The following RNH1 variants were observed in gnomAD, a reference collection of about 807,000 sequenced individuals.
RNH1 encodes ribonuclease inhibitor.
In RNH1, 38 loss-of-function variants were observed where a neutral mutation model predicts 46.1. The ratio of observed to expected loss-of-function variants is 0.82; its 90% CI spans 0.64 to 1.08. RNH1 has a LOEUF of 1.08. Among genes scored for constraint, RNH1 ranks in the 50% least tolerant of loss-of-function variants. The probability of loss-of-function intolerance (pLI) is 0.00; values close to 1 mark genes in which losing one functional copy is unlikely to be tolerated. For synonymous variants in RNH1, 319 were observed against 279.1 expected, an observed-to-expected ratio of 1.14 and a Z score of -1.43; for missense variants, 577 against 590.7, an observed-to-expected ratio of 0.98 and a Z score of 0.24.
At position 501,842 on chromosome 11, in the gene RNH1, C is replaced by T. The variant is rs553677851; in HGVS notation, c.101+220G>A. ...GCCAGTGGCCGCCCACCTCGGCCCG[C>T]CCACCTCAGCCCATGCTGCATGAGC... On this transcript the variant is annotated intron_variant, in intron 3 of 10. Transcript: ENST00000354420. This position sits in a 1 kb window ranked among gnomAD's most constrained non-coding sequence, Gnocchi z 4.1. The T allele has an allele frequency of 5.0e-5, 28 of 565,326 alleles. No individual in the cohort carries two copies. In the South Asian group the frequency reaches 5.4e-4, roughly 11 times the overall value. The allele number at this position is 565,326 out of a possible 1,614,324, so 35.0% of individuals were successfully genotyped here.
chr11:500,463 C>G (rs773861759), intron 4 of RNH1, 21 bp downstream of exon 4: 1 of 1,595,560 alleles, frequency 6.3e-7, no homozygotes, highest in Admixed American at 1.7e-5. Flanking sequence ...AGGCCAGAGG[C>G]AGTGCCAGGC....
At chr11:497,900 T>A (rs1849323517) in intron 9 of RNH1, 71 bp downstream of exon 9, 1 of 1,528,952 alleles carries the variant, frequency 6.5e-7, no homozygotes, top group Non-Finnish European at 8.9e-7. Flanking sequence ...ACTCGTGCAC[T>A]CTCGCCCTTG....
rs1185306769 is a variant in RNH1 at position 504,951 on chromosome 11, A to T, written c.-215T>A. 6.6e-6 allele frequency: 1 copy of T among 152,154 alleles called. No homozygotes were observed. The highest frequency in any genetic ancestry group is 1.9e-4 in the East Asian group (1 of 5,194). The allele number at this position is 152,154 out of a possible 1,614,324, so 9.4% of individuals were successfully genotyped here. A position where few individuals can be genotyped will look rare whatever the true frequency, so the allele number is the denominator to read the frequency against. Reference sequence around the variant, plus strand: ...GGAGCGCCGCTCGGCCGTCCTCAAAACTTTGGACACACCCTCCGTTTCTGT... The same window carrying T: ...GGAGCGCCGCTCGGCCGTCCTCAAATCTTTGGACACACCCTCCGTTTCTGT... On this transcript the variant is annotated 5_prime_UTR_variant, in exon 2 of 11. Transcript: ENST00000354420.
At chr11:495,117 C>T in intron 9 of RNH1, 64 bp from the exon 10 acceptor site, 1 of 1,523,470 alleles carries the variant, frequency 6.6e-7, no homozygotes. Context: ...ACCGGCAGAG[C>T]AGGCCTGGGC....
Position 501,189 on chromosome 11 carries a change from G to A in RNH1, c.102-535C>T, listed in dbSNP as rs942854632. The A allele has an allele frequency of 4.4e-5, 10 of 229,428 alleles. No homozygotes were observed. The highest frequency in any genetic ancestry group is 1.0e-4 in the Admixed American group (2 of 19,156). 14.2% of individuals were successfully genotyped at this position (229,428 alleles called of 1,614,324 possible). ...CAGTCACAGGAGGAAAGGCAGTGGC[G>A]TCACAGTGGAGAGGGTGGCAGACGG... On this transcript the variant is annotated intron_variant, in intron 3 of 10. Coordinates refer to ENST00000354420, the MANE Select transcript of RNH1 (RefSeq NM_203387.3). This position sits in a 1 kb window ranked among gnomAD's most constrained non-coding sequence, Gnocchi z 4.1.
rs571263026 is a variant in RNH1 at position 498,420 on chromosome 11, T to G, written c.956+37A>C. The G allele has an allele frequency of 1.9e-5, 31 of 1,605,572 alleles. No individual in the cohort carries two copies. In the East Asian group the frequency reaches 5.1e-4, roughly 27 times the overall value. ...TCTCCTCGGTCACCCTGGCCCTCTC[T>G]TGGGCGACAGGGCCCTGCCCCGACA... is the stretch of plus-strand genomic sequence containing the variant. On this transcript the variant is annotated intron_variant, in intron 8 of 10. Transcript: ENST00000354420.
rs1849708487 is a variant in RNH1 at position 501,075 on chromosome 11, C to T, written c.102-421G>A. On this transcript the variant is annotated intron_variant, in intron 3 of 10. Coordinates refer to ENST00000354420, the MANE Select transcript of RNH1 (RefSeq NM_203387.3). This position sits in a 1 kb window ranked among gnomAD's most constrained non-coding sequence, Gnocchi z 4.1. ...CCCAGGAGGTTGAGGCCGCATAAGCCATGAGGGAGCCACTCCAGCCTGGGT... is the reference window on the plus strand; with the variant it reads ...CCCAGGAGGTTGAGGCCGCATAAGCTATGAGGGAGCCACTCCAGCCTGGGT... 1 of 346,090 alleles carries T rather than the reference C, an allele frequency of 2.9e-6. No individual in the cohort carries two copies. The highest frequency in any genetic ancestry group is 5.7e-6 in the Non-Finnish European group (1 of 176,662). The allele number at this position is 346,090 out of a possible 1,614,324, so 21.4% of individuals were successfully genotyped here.
chr11:499,454 C>T, intron 5 of RNH1: 1 of 684,484 alleles, frequency 1.5e-6, no homozygotes, highest in Non-Finnish European at 2.7e-6. Context: ...CTCTGGAGGG[C>T]AGGGCCACCT....
rs566777898 is a variant in RNH1, at chr11:495,605, C to A, written c.1128-552G>T. On this transcript the variant is annotated intron_variant, in intron 9 of 10. Coordinates refer to ENST00000354420, the MANE Select transcript of RNH1 (RefSeq NM_203387.3). ...GGCCAAGGAGTTGCACTGGACCTCTCCAAGGTGGGGGCCAGGGAAGCTGCA... is the reference window on the plus strand; with the variant it reads ...GGCCAAGGAGTTGCACTGGACCTCTACAAGGTGGGGGCCAGGGAAGCTGCA... Among the ~76,000 whole-genome samples, 174 of 152,310 alleles carry A rather than the reference C, an allele frequency of 1.1e-3. 1 individual carries two copies. The highest frequency in any genetic ancestry group is 3.8e-3 in the African/African-American group (158 of 41,568).
intron 1 of RNH1, chr11:505,849 C>A (rs1411425215): frequency 9.7e-6 from 1 of 103,130 alleles, no homozygotes; most frequent in Non-Finnish European, 1.9e-5. Flanking sequence ...GGATTACAGG[C>A]TGCAGCGCAC....
At chr11:506,691 G>C in intron 1 of RNH1, 1 of 152,374 alleles carries the variant, frequency 6.6e-6, no homozygotes, top group South Asian at 2.1e-4. Flanking sequence ...TTCTTTGGGG[G>C]AATAAGGTCA....
intron 5 of RNH1, 119 bp from the exon 6 acceptor site, chr11:499,304 G>A (rs1367978485): frequency 1.2e-4 from 142 of 1,137,172 alleles, no homozygotes; most frequent in Non-Finnish European, 1.9e-5. Flanking sequence ...TGGGCATCAG[G>A]TGTCAGTGCT....
rs7944548 is a variant in RNH1 at position 502,217 on chromosome 11, C to T, written c.-55G>A. 0.3 allele frequency: 421,947 copies of T among 1,386,508 alleles called. 65,076 individuals are homozygous for T. Among genetic ancestry groups the T allele is most frequent in the African/African-American group, 0.38 (26,898 of 70,276 alleles). The allele number at this position is 1,386,508 out of a possible 1,614,324, so 85.9% of individuals were successfully genotyped here. ...GGCAGAGGGAAGAGGACGTCTTGGCCGAATCCCCTCACAGTTTCACAGGCC... is the reference window on the plus strand; with the variant it reads ...GGCAGAGGGAAGAGGACGTCTTGGCTGAATCCCCTCACAGTTTCACAGGCC... On this transcript the variant is annotated 5_prime_UTR_variant, in exon 3 of 11. Transcript: ENST00000354420. This position sits in a 1 kb window ranked among gnomAD's most constrained non-coding sequence, Gnocchi z 5.8.
intron 9 of RNH1, 29 bp from the exon 10 acceptor site, chr11:495,082 G>A (rs746440375): frequency 7.5e-6 from 12 of 1,590,456 alleles, no homozygotes; most frequent in African/African-American, 6.7e-5. Context: ...GGGTCAGGGT[G>A]CCGGGCGTGC....
In RNH1 at chr11:498,570, C is replaced by T. The variant is rs1849388137; in HGVS notation, c.843G>A (p.Arg281=). 4 of 1,613,026 alleles carry T rather than the reference C, an allele frequency of 2.5e-6. No individual in the cohort carries two copies. Among genetic ancestry groups the T allele is most frequent in the Non-Finnish European group, 3.4e-6 (4 of 1,180,044 alleles). Residue 281 remains arginine (R), a synonymous_variant, in exon 8 of 11, where the codon AGG becomes AGA. Coordinates refer to ENST00000354420, the MANE Select transcript of RNH1 (RefSeq NM_203387.3). ...TGAGCTCCTTCAGGCTCTCCTTGGC[C>T]CTGAGGACACGGCACAGATCCCCGC... ...KGCGDLCRVL[R]AKESLKELSL... is the part of the protein sequence containing the mutation.
intron 5 of RNH1, chr11:499,412 G>T (rs59653473): frequency 0.029 from 19,679 of 667,634 alleles, 405 homozygotes; most frequent in Middle Eastern, 0.053. Flanking sequence ...CAGACTTTGG[G>T]GCCCAACCAG....
chr11:496,807 T>A (rs1590722108), intron 9 of RNH1, among the ~76,000 whole-genome samples: 1 of 152,234 alleles, frequency 6.6e-6, no homozygotes, highest in Non-Finnish European at 1.5e-5. Context: ...CAAAAGAACG[T>A]GCTTTAACAA....
intron 2 of RNH1, 118 bp downstream of exon 2, chr11:504,706 C>A (rs1850106832): frequency 6.6e-6 from 1 of 152,470 alleles, no homozygotes; most frequent in African/African-American, 2.4e-5. Flanking sequence ...CAGCCGCCTT[C>A]CCCCAGACCA....
intron 8 of RNH1, 24 bp from the exon 9 acceptor site, chr11:498,165 G>A (rs372334175): frequency 2.0e-5 from 32 of 1,599,940 alleles, no homozygotes; most frequent in Non-Finnish European, 2.6e-5. Context: ...CAGGACTGAC[G>A]CCTGGCAGGG....
Sources: gnomAD v4.1 joint callset for allele counts (sites outside exome capture counted in the v4.1 genomes callset) on GRCh38, gnomAD v4.1.1 for gene constraint, Gnocchi (gnomAD v3.1) non-coding constraint, MANE v1.5 for transcripts, NCBI Gene and HGNC (gene_info 2026-07-23, HGNC 2026-07-21) for gene names.